COL5A2: variants seen among roughly 807,000 people sequenced by gnomAD.
COL5A2 encodes the protein collagen alpha-2(V) chain.
COL5A2 carries 23 observed loss-of-function variants against 208.2 expected under a neutral mutation model. The ratio of observed to expected loss-of-function variants is 0.11; its 90% CI spans 0.08 to 0.16. COL5A2 has a LOEUF of 0.16. Among genes scored for constraint, COL5A2 ranks in the 10% least tolerant of loss-of-function variants. The pLI is 1.00. For synonymous variants in COL5A2, 625 were observed against 628.5 expected, an observed-to-expected ratio of 0.99 and a Z score of 0.08; for missense variants, 1,590 against 1,956.4, an observed-to-expected ratio of 0.81 and a Z score of 3.53.
chr2:189,436,362 G>A, the COL5A2 span, among the ~76,000 whole-genome samples: 1 of 152,110 alleles, frequency 6.6e-6, no homozygotes, highest in East Asian at 1.9e-4. Flanking sequence ...TACAGAATGG[G>A]AGGTGCCTGT....
At chr2:189,364,399 T>C in the COL5A2 span, among the ~76,000 whole-genome samples, 2 of 152,290 alleles carry the variant, frequency 1.3e-5, no homozygotes, top group African/African-American at 2.4e-5. Context: ...AAGAAGTATA[T>C]AGCAAGGTTG....
the COL5A2 span, among the ~76,000 whole-genome samples, chr2:189,432,094 A>G: frequency 6.6e-6 from 1 of 152,122 alleles, no homozygotes; most frequent in Non-Finnish European, 1.5e-5. Flanking sequence ...ATCCAGCCAA[A>G]CTAAGCTTCA....
At chr2:189,245,508 G>A in the COL5A2 span, among the ~76,000 whole-genome samples, 1 of 138,224 alleles carries the variant, frequency 7.2e-6, no homozygotes, top group Non-Finnish European at 1.5e-5. Context: ...TTTTTGAGAT[G>A]GAGTCTTGCT....
At chr2:189,051,507 A>G in intron 41 of COL5A2, 26 bp from the exon 42 acceptor site, 1 of 1,585,406 alleles carries the variant, frequency 6.3e-7, no homozygotes, top group South Asian at 1.2e-5. Context: ...AAGAAACACC[A>G]AGGAGGGCAA....
At chr2:189,110,660 G>T (rs1477574814) in intron 1 of COL5A2, among the ~76,000 whole-genome samples, 1 of 152,056 alleles carries the variant, frequency 6.6e-6, no homozygotes, top group Admixed American at 6.5e-5. Flanking sequence ...GATAGGGGAA[G>T]AAATAAAAGT....
the COL5A2 span, among the ~76,000 whole-genome samples, chr2:189,304,072 T>C: frequency 6.6e-6 from 1 of 152,214 alleles, no homozygotes; most frequent in South Asian, 2.1e-4. Context: ...TTTGCTATAT[T>C]TTAAGGCCTG....
At chr2:189,384,154 C>G in the COL5A2 span, among the ~76,000 whole-genome samples, 2 of 152,026 alleles carry the variant, frequency 1.3e-5, no homozygotes, top group African/African-American at 4.8e-5. Flanking sequence ...ATCCCTTCAT[C>G]CACTGACGGG....
chr2:189,159,701 T>C (rs1489498270), intron 1 of COL5A2, among the ~76,000 whole-genome samples: 1 of 114,074 alleles, frequency 8.8e-6, no homozygotes, highest in African/African-American at 3.0e-5. Context: ...AAAAAATTAT[T>C]TAAAAAAATC....
chr2:189,424,985 C>T, the COL5A2 span, among the ~76,000 whole-genome samples: 4 of 152,080 alleles, frequency 2.6e-5, no homozygotes, highest in East Asian at 5.8e-4. Flanking sequence ...AACAAAATAG[C>T]CCAGAAATAA....
chr2:189,242,783 A>AG, the COL5A2 span, among the ~76,000 whole-genome samples: 2 of 152,206 alleles, frequency 1.3e-5, no homozygotes, highest in African/African-American at 4.8e-5. Flanking sequence ...AGGAATAAAC[A>AG]GGGGATAAGG....
chr2:189,199,413 A>C (rs189961037), intron 1 of COL5A2, among the ~76,000 whole-genome samples: 120 of 152,346 alleles, frequency 7.9e-4, no homozygotes, highest in Non-Finnish European at 1.5e-3. Context: ...TTTAGAGGGA[A>C]ATAAAGCATT....
chr2:189,146,255 T>C (rs1347419155), intron 1 of COL5A2, among the ~76,000 whole-genome samples: 1 of 152,160 alleles, frequency 6.6e-6, no homozygotes, highest in African/African-American at 2.4e-5. Context: ...AAGGCATTGG[T>C]TGTTAAACTA....
the COL5A2 span, among the ~76,000 whole-genome samples, chr2:189,363,779 A>C: frequency 6.6e-6 from 1 of 152,278 alleles, no homozygotes; most frequent in South Asian, 2.1e-4. Context: ...TTGATGATTC[A>C]TTTAGTTTGA....
the COL5A2 span, among the ~76,000 whole-genome samples, chr2:189,276,560 AT>A: frequency 6.6e-6 from 1 of 152,156 alleles, no homozygotes; most frequent in East Asian, 1.9e-4. Flanking sequence ...ATTGCATAAA[AT>A]TATTGTCCGA....
At chr2:189,277,442 G>A in the COL5A2 span, among the ~76,000 whole-genome samples, 2 of 152,052 alleles carry the variant, frequency 1.3e-5, no homozygotes, top group Non-Finnish European at 2.9e-5. Flanking sequence ...TTACCTGCGA[G>A]TTCGGGTCAA....
chr2:189,372,195 T>C, the COL5A2 span, among the ~76,000 whole-genome samples: 1 of 152,130 alleles, frequency 6.6e-6, no homozygotes, highest in Non-Finnish European at 1.5e-5. Context: ...TCCACAGAAA[T>C]GGTATCAGAA....
chr2:189,100,548 C>T (rs1013699770), intron 3 of COL5A2, among the ~76,000 whole-genome samples: 1 of 151,808 alleles, frequency 6.6e-6, no homozygotes, highest in Non-Finnish European at 1.5e-5. Context: ...TTAATATATA[C>T]AAATTTTCAC....
the COL5A2 span, among the ~76,000 whole-genome samples, chr2:189,290,715 A>AACACACAC: frequency 3.1e-5 from 1 of 32,722 alleles, no homozygotes; most frequent in Middle Eastern, 0.018. Flanking sequence ...GATTTTTGTT[A>AACACACAC]ATACACACAC....
At chr2:189,220,586 T>A (rs1039609135) in intron 1 of COL5A2, among the ~76,000 whole-genome samples, 12 of 152,132 alleles carry the variant, frequency 7.9e-5, no homozygotes, top group African/African-American at 2.9e-4. Context: ...AAATCAAATA[T>A]CACTTAGATA....
Sources: allele counts gnomAD v4.1 joint callset (sites outside exome capture counted in the v4.1 genomes callset), GRCh38; gene constraint gnomAD v4.1.1; transcripts MANE v1.5; gene names NCBI Gene and HGNC (gene_info 2026-07-23, HGNC 2026-07-21).